The following GLI3 variants were observed in gnomAD, a reference collection of about 807,000 sequenced individuals.
The protein encoded by GLI3 is transcription activator GLI3.
In GLI3, 20 loss-of-function variants were observed where a neutral mutation model predicts 100.8. The observed-to-expected ratio is 0.20, with a 90% confidence interval of 0.14 to 0.29. The LOEUF (loss-of-function observed/expected upper bound fraction) is 0.29. GLI3 is among the 10% of genes least tolerant of loss of function. The probability of loss-of-function intolerance (pLI) is 1.00; values close to 1 mark genes in which losing one functional copy is unlikely to be tolerated. For missense variants in GLI3, 2,040 were observed against 2,128.5 expected (o/e 0.96, Z 0.82); for synonymous variants, 938 against 860.5 (o/e 1.09, Z -1.58).
chr7:42,105,285 T>G (rs1019210155), intron 3 of GLI3, among the ~76,000 whole-genome samples: 17 of 152,180 alleles, frequency 1.1e-4, no homozygotes, highest in African/African-American at 3.9e-4. Context: ...CTGCTTCTTT[T>G]TTTTTCTGTT....
intron 1 of GLI3, among the ~76,000 whole-genome samples, chr7:42,263,764 T>C (rs1789171721): frequency 6.6e-6 from 1 of 152,138 alleles, no homozygotes; most frequent in African/African-American, 2.4e-5. Flanking sequence ...TGATGCCTTT[T>C]GAAATTCCCC....
At chr7:42,098,470 C>T (rs1003247951) in intron 3 of GLI3, among the ~76,000 whole-genome samples, 3 of 152,212 alleles carry the variant, frequency 2.0e-5, no homozygotes, top group South Asian at 2.1e-4. Flanking sequence ...GGCTCCTATT[C>T]GATGTACAGC....
intron 1 of GLI3, among the ~76,000 whole-genome samples, chr7:42,245,221 G>A (rs554796192): frequency 2.0e-5 from 3 of 152,244 alleles, no homozygotes; most frequent in South Asian, 2.1e-4. Context: ...GAAGCTCCCT[G>A]GCCCTTAAGA....
intron 3 of GLI3, among the ~76,000 whole-genome samples, chr7:42,127,179 C>T (rs1332913131): frequency 1.6e-4 from 24 of 152,190 alleles, no homozygotes; most frequent in Admixed American, 1.6e-3. Context: ...GGTAACAAGC[C>T]TTTTTAACTT....
At chr7:42,019,654 CA>C (rs200865456) in intron 10 of GLI3, among the ~76,000 whole-genome samples, 11 of 149,274 alleles carry the variant, frequency 7.4e-5, no homozygotes, top group Admixed American at 1.3e-4. Context: ...TAATGCTCAA[CA>C]AAAAAAAAGG....
chr7:42,158,600 C>T (rs1787059152), intron 2 of GLI3, among the ~76,000 whole-genome samples: 1 of 152,022 alleles, frequency 6.6e-6, no homozygotes, highest in African/African-American at 2.4e-5. Context: ...AGCCATTCTC[C>T]TGCCTCAACC....
At chr7:42,071,599 G>A (rs1053886977) in intron 4 of GLI3, among the ~76,000 whole-genome samples, 6 of 152,156 alleles carry the variant, frequency 3.9e-5, no homozygotes, top group African/African-American at 1.4e-4. Context: ...CAAGCAACGT[G>A]CTAAATTTAG....
At chr7:42,102,822 C>A (rs551615121) in intron 3 of GLI3, among the ~76,000 whole-genome samples, 2 of 152,188 alleles carry the variant, frequency 1.3e-5, no homozygotes, top group African/African-American at 4.8e-5. Flanking sequence ...TCTTTAACAA[C>A]CCCCTGAATA....
chr7:42,154,787 C>T (rs1185333440), intron 2 of GLI3, among the ~76,000 whole-genome samples: 1 of 152,218 alleles, frequency 6.6e-6, no homozygotes, highest in Non-Finnish European at 1.5e-5. Flanking sequence ...AAGCCAGGGG[C>T]TGCTCCCTAG....
intron 2 of GLI3, among the ~76,000 whole-genome samples, chr7:42,153,110 A>T (rs987818811): frequency 1.3e-5 from 2 of 152,212 alleles, no homozygotes; most frequent in Non-Finnish European, 2.9e-5. Flanking sequence ...CTAATGGTGA[A>T]TTGGGAATTC....
intron 7 of GLI3, among the ~76,000 whole-genome samples, chr7:42,038,903 G>A (rs1232684858): frequency 6.6e-6 from 1 of 152,036 alleles, no homozygotes; most frequent in Non-Finnish European, 1.5e-5. Context: ...AATCTACCAT[G>A]GAAGACCTAT....
intron 3 of GLI3, among the ~76,000 whole-genome samples, chr7:42,137,432 T>C (rs1260161645): frequency 2.6e-5 from 4 of 152,126 alleles, no homozygotes; most frequent in Non-Finnish European, 4.4e-5. Context: ...AATGACCACA[T>C]TGGCATGCTC....
At chr7:42,182,664 A>ACGTGTG (rs1554337046) in intron 2 of GLI3, among the ~76,000 whole-genome samples, 1 of 78,328 alleles carries the variant, frequency 1.3e-5, no homozygotes, top group Non-Finnish European at 2.5e-5. Flanking sequence ...ATATATATAT[A>ACGTGTG]TATATATATA....
chr7:42,048,611 C>T lies in GLI3; in HGVS notation c.559G>A (p.Glu187Lys), dbSNP rs1784293826. 1 of 1,611,244 alleles carries T rather than the reference C, an allele frequency of 6.2e-7. No individual in the cohort carries two copies. The highest frequency in any genetic ancestry group is 8.5e-7 in the Non-Finnish European group (1 of 1,179,100). Reference sequence around the variant, plus strand: ...GGATGTGGAGGGCTGAAGGGAGACTCGGAAGCAGCAGTGGGGTTCCGGTGT... The same window carrying T: ...GGATGTGGAGGGCTGAAGGGAGACTTGGAAGCAGCAGTGGGGTTCCGGTGT... ...SPHRNPTAAS[E>K]SPFSPPHPYI... Residue 187 changes from glutamate (E) to lysine (K), a missense_variant, in exon 5 of 15, where the codon GAG (glutamate) becomes AAG (lysine). By Grantham distance (56) the Glu-to-Lys change is moderately conservative (BLOSUM62 1). Around this residue, in one of 5 missense-constraint regions of GLI3, gnomAD observed 603 missense variants for 690.9 expected, o/e 0.87. Coordinates refer to ENST00000395925, the MANE Select transcript of GLI3 (RefSeq NM_000168.6).
At chr7:42,153,454 A>C (rs1299144685) in intron 2 of GLI3, among the ~76,000 whole-genome samples, 1 of 152,100 alleles carries the variant, frequency 6.6e-6, no homozygotes, top group Non-Finnish European at 1.5e-5. Flanking sequence ...TTTACTAAGG[A>C]AACTCTCCAT....
chr7:42,086,249 C>A (rs571654876), intron 3 of GLI3, among the ~76,000 whole-genome samples: 1 of 152,116 alleles, frequency 6.6e-6, no homozygotes, highest in Non-Finnish European at 1.5e-5. Flanking sequence ...TATTCATACG[C>A]CCATTCTTAT....
Position 41,966,394 on chromosome 7 carries a change from G to T in GLI3, c.2679C>A (p.Asp893Glu), listed in dbSNP as rs760452025. Residue 893 changes from aspartate to glutamate, a missense_variant, in exon 15 of 15, where the codon GAC (aspartate) becomes GAA (glutamate). This residue lies in a region of GLI3 where 327 missense variants were observed against 338.7 expected (regional missense o/e 0.97). Coordinates refer to ENST00000395925, the MANE Select transcript of GLI3 (RefSeq NM_000168.6). The surrounding 1 kb of genome is among the most constrained non-coding windows in gnomAD (Gnocchi z 5.8). ...CGTCGGTGGAGATGGGGTCGTAGGA[G>T]TCGGCCACGCTCACGTTCTGCGGCC... Reference protein sequence around the residue: ...EGRPQNVSVADSYDPISTDAS... With the variant: ...EGRPQNVSVAESYDPISTDAS... 4 of 1,610,656 alleles carry T rather than the reference G, an allele frequency of 2.5e-6. No individual in the cohort carries two copies. Among genetic ancestry groups the T allele is most frequent in the Non-Finnish European group, 3.4e-6 (4 of 1,179,416 alleles).
At chr7:42,126,895 C>T (rs1786146234) in intron 3 of GLI3, among the ~76,000 whole-genome samples, 1 of 152,170 alleles carries the variant, frequency 6.6e-6, no homozygotes, top group Non-Finnish European at 1.5e-5. Context: ...CTTCCTGTTT[C>T]TGGATTACAG....
intron 10 of GLI3, among the ~76,000 whole-genome samples, chr7:42,009,684 C>T (rs915326739): frequency 6.6e-5 from 10 of 152,112 alleles, no homozygotes; most frequent in Admixed American, 4.6e-4. Context: ...CCCAGGAGAA[C>T]GGGTCTCATC....
Sources: allele counts gnomAD v4.1 joint callset (sites outside exome capture counted in the v4.1 genomes callset), GRCh38; gene constraint gnomAD v4.1.1; regional missense constraint gnomAD v4.1.1; non-coding constraint Gnocchi (gnomAD v3.1); transcripts MANE v1.5; gene names NCBI Gene and HGNC (gene_info 2026-07-23, HGNC 2026-07-21).